The following LMO7 variants were observed in gnomAD, a reference collection of about 807,000 sequenced individuals.
The protein encoded by LMO7 is LIM domain only protein 7.
In LMO7, 120 loss-of-function variants were observed where a neutral mutation model predicts 206.5. That is an observed-to-expected ratio of 0.58 (90% CI 0.50 to 0.68). LMO7 has a LOEUF of 0.68. LMO7 is among the 30% of genes least tolerant of loss of function. The probability of loss-of-function intolerance (pLI) is 0.00; values close to 1 mark genes in which losing one functional copy is unlikely to be tolerated. For synonymous variants in LMO7, 706 were observed against 681.5 expected (o/e 1.04, Z -0.56); for missense variants, 1,959 against 1,957.9 (o/e 1.00, Z -0.01).
chr13:75,677,326 T>C (rs993404516), intron 1 of LMO7, among the ~76,000 whole-genome samples: 1 of 152,228 alleles, frequency 6.6e-6, no homozygotes, highest in Non-Finnish European at 1.5e-5. Context: ...CTTACTGATA[T>C]CTATAAGTAG....
At chr13:75,857,374 G>A (rs2061046788) in intron 30 of LMO7, 1 of 152,172 alleles carries the variant, frequency 6.6e-6, no homozygotes, top group African/African-American at 2.4e-5. Context: ...AAAATCATTT[G>A]CTTTTGAACT....
At chr13:75,803,375 C>A (rs1280471682) in intron 7 of LMO7, among the ~76,000 whole-genome samples, 1 of 152,220 alleles carries the variant, frequency 6.6e-6, no homozygotes, top group African/African-American at 2.4e-5. Flanking sequence ...TGTGCACAGC[C>A]AGGCCTGGAG....
At chr13:75,702,164 G>T (rs2137918186) in intron 1 of LMO7, among the ~76,000 whole-genome samples, 1 of 148,680 alleles carries the variant, frequency 6.7e-6, no homozygotes, top group Non-Finnish European at 1.5e-5. Context: ...GATTGAGTGA[G>T]AATTTTGAGT....
intron 3 of LMO7, among the ~76,000 whole-genome samples, chr13:75,742,478 A>G (rs148442850): frequency 2.6e-3 from 390 of 152,312 alleles, no homozygotes; most frequent in South Asian, 0.014. Flanking sequence ...AAACTATACT[A>G]CAGGGCTATG....
intron 23 of LMO7, 59 bp from the exon 24 acceptor site, chr13:75,841,567 CTA>C: frequency 8.5e-7 from 1 of 1,175,410 alleles, no homozygotes; most frequent in Non-Finnish European, 1.2e-6. Context: ...ATATATGTGT[CTA>C]TATGAAATTA....
At chr13:75,739,226 GA>G (rs1167111336) in intron 3 of LMO7, among the ~76,000 whole-genome samples, 1 of 152,172 alleles carries the variant, frequency 6.6e-6, no homozygotes, top group Non-Finnish European at 1.5e-5. Context: ...ATTTCCCTTT[GA>G]AAAGCAAAGA....
At chr13:75,762,865 G>T (rs2048371467) in intron 4 of LMO7, among the ~76,000 whole-genome samples, 1 of 152,124 alleles carries the variant, frequency 6.6e-6, no homozygotes, top group Non-Finnish European at 1.5e-5. Flanking sequence ...CCCTGGGTAT[G>T]CTGCAGTGGA....
At chr13:75,639,342 C>A (rs2036284949) in intron 1 of LMO7, among the ~76,000 whole-genome samples, 1 of 152,176 alleles carries the variant, frequency 6.6e-6, no homozygotes. Context: ...TGTGTCTACT[C>A]ATGCTAATTT....
chr13:75,636,523 C>T lies in LMO7; in HGVS notation c.-135C>T. 7 of 1,514,548 alleles carry T rather than the reference C, an allele frequency of 4.6e-6. No individual in the cohort carries two copies. Among genetic ancestry groups the T allele is most frequent in the Middle Eastern group, 2.4e-4 (1 of 4,240 alleles). 93.8% of individuals were successfully genotyped at this position (1,514,548 alleles called of 1,614,324 possible). ...GCAACAAAGGGAACTAGAGCCCCGG[C>T]GCCTTCGCAGCCGGAGCGGAAGCCG... On this transcript the variant is annotated 5_prime_UTR_variant, in exon 1 of 31. Coordinates refer to ENST00000377534, the MANE Select transcript of LMO7 (RefSeq NM_001306080.2).
intron 23 of LMO7, 87 bp from the exon 24 acceptor site, chr13:75,841,541 G>A (rs2059557210): frequency 1.1e-6 from 1 of 938,506 alleles, no homozygotes; most frequent in Non-Finnish European, 1.6e-6. Flanking sequence ...ATAGTTAGTA[G>A]CATCTAAAAC....
At chr13:75,695,604 C>A (rs1016803567) in intron 1 of LMO7, among the ~76,000 whole-genome samples, 4 of 152,198 alleles carry the variant, frequency 2.6e-5, no homozygotes, top group African/African-American at 9.6e-5. Flanking sequence ...CTTGGCCTCT[C>A]AAAGTGTTGG....
chr13:75,802,220 G>T (rs1483870778), intron 7 of LMO7, among the ~76,000 whole-genome samples: 1 of 152,184 alleles, frequency 6.6e-6, no homozygotes, highest in Admixed American at 6.5e-5. Context: ...TTTTAGAGTA[G>T]TAGTTTTTAA....
intron 19 of LMO7, 90 bp downstream of exon 19, chr13:75,836,547 G>A: frequency 1.4e-6 from 1 of 697,822 alleles, no homozygotes; most frequent in Admixed American, 3.6e-5. Context: ...ATCTGTGAGT[G>A]AAAGAAAAAG....
Position 75,840,573 on chromosome 13 carries a change from G to T in LMO7, c.3582+78G>T, listed in dbSNP as rs1044828180. 3 of 1,523,578 alleles carry T rather than the reference G, an allele frequency of 2.0e-6. No individual in the cohort carries two copies. In the East Asian group the frequency reaches 7.1e-5, roughly 36 times the overall value. The allele number at this position is 1,523,578 out of a possible 1,614,324, so 94.4% of individuals were successfully genotyped here. A position where few individuals can be genotyped will look rare whatever the true frequency, so the allele number is the denominator to read the frequency against. ...TCTCCAGTCTGTCAACCAGTATTGA[G>T]AAACTAATTTTAAACGCAACAATCT... On this transcript the variant is annotated intron_variant, in intron 22 of 30. Coordinates refer to ENST00000377534, the MANE Select transcript of LMO7 (RefSeq NM_001306080.2).
At chr13:75,671,227 G>T (rs529958887) in intron 1 of LMO7, among the ~76,000 whole-genome samples, 32 of 143,906 alleles carry the variant, frequency 2.2e-4, no homozygotes, top group African/African-American at 7.3e-4. Flanking sequence ...TTTTTAATAA[G>T]TACATTCTAA....
intron 7 of LMO7, among the ~76,000 whole-genome samples, chr13:75,801,966 CTCTCTT>C (rs910173423): frequency 2.6e-5 from 4 of 151,406 alleles, no homozygotes; most frequent in Admixed American, 6.6e-5. Context: ...TCTCCTCTCT[CTCTCTT>C]TCTCTTTCTC....
At chr13:75,679,781 A>G (rs1296997459) in intron 1 of LMO7, among the ~76,000 whole-genome samples, 1 of 152,248 alleles carries the variant, frequency 6.6e-6, no homozygotes, top group East Asian at 1.9e-4. Context: ...GCAGTTTGCC[A>G]TGTTTTCCAG....
At chr13:75,767,082 C>T (rs1471203505) in intron 4 of LMO7, among the ~76,000 whole-genome samples, 2 of 152,038 alleles carry the variant, frequency 1.3e-5, no homozygotes, top group South Asian at 2.1e-4. Context: ...TTAAGAGGAG[C>T]GTGTGTTTCA....
At chr13:75,737,787 A>AAT (rs1270886957) in intron 3 of LMO7, among the ~76,000 whole-genome samples, 4 of 110,830 alleles carry the variant, frequency 3.6e-5, no homozygotes, top group African/African-American at 1.4e-4. Flanking sequence ...TAAAATAAAA[A>AAT]AAAAAAAAAA....
Sources: gnomAD v4.1 joint callset for allele counts (sites outside exome capture counted in the v4.1 genomes callset) on GRCh38, gnomAD v4.1.1 for gene constraint, MANE v1.5 for transcripts, NCBI Gene and HGNC (gene_info 2026-07-23, HGNC 2026-07-21) for gene names.